The following KCNN2 variants were observed in gnomAD, a reference collection of about 807,000 sequenced individuals.
KCNN2 encodes potassium calcium-activated channel subfamily N member 2, also known as small conductance calcium-activated potassium channel protein 2.
A neutral mutation model predicts 55.5 loss-of-function variants in KCNN2; 24 were observed. The ratio of observed to expected loss-of-function variants is 0.43; its 90% CI spans 0.31 to 0.61. The LOEUF is 0.61. Ranked by LOEUF, KCNN2 falls within the 20% of genes least tolerant of loss-of-function variation. The pLI, the probability that KCNN2 is intolerant of heterozygous loss-of-function variation, is 0.08. For missense variants in KCNN2, 754 were observed against 853.6 expected (o/e 0.88, Z 1.45); for synonymous variants, 431 against 336.1 (o/e 1.28, Z -3.09).
At chr5:114,344,266 G>T (rs1757068468) in intron 2 of KCNN2, among the ~76,000 whole-genome samples, 1 of 152,122 alleles carries the variant, frequency 6.6e-6, no homozygotes, top group African/African-American at 2.4e-5. Context: ...CAAATATGAG[G>T]GGTTCCCAAA....
At chr5:114,166,947 G>T (rs2112538500) in intron 1 of KCNN2, among the ~76,000 whole-genome samples, 1 of 152,170 alleles carries the variant, frequency 6.6e-6, no homozygotes. Context: ...CCAGGAATTG[G>T]TCCCTCATCA....
At chr5:114,482,533 C>T (rs1762271364) in intron 5 of KCNN2, among the ~76,000 whole-genome samples, 1 of 152,126 alleles carries the variant, frequency 6.6e-6, no homozygotes, top group Non-Finnish European at 1.5e-5. Context: ...TGGGTACATA[C>T]CCAAAGGAAT....
chr5:114,165,844 G>A (rs1244131063), intron 1 of KCNN2, among the ~76,000 whole-genome samples: 3 of 152,034 alleles, frequency 2.0e-5, no homozygotes, highest in African/African-American at 7.2e-5. Flanking sequence ...GTTAAGTTTT[G>A]GAGAAGCCAA....
intron 1 of KCNN2, among the ~76,000 whole-genome samples, chr5:114,188,164 A>G (rs1753378164): frequency 6.6e-6 from 1 of 152,144 alleles, no homozygotes; most frequent in Non-Finnish European, 1.5e-5. Context: ...ACTTCATACC[A>G]TTTGAAATGT....
At chr5:114,371,222 A>G (rs1023642160) in intron 2 of KCNN2, among the ~76,000 whole-genome samples, 8 of 152,212 alleles carry the variant, frequency 5.3e-5, no homozygotes, top group Non-Finnish European at 2.9e-5. Context: ...TATATTTGAA[A>G]TTATGCTGAT....
chr5:114,086,450 T>C lies in KCNN2; in HGVS notation c.-271+29950T>C, dbSNP rs1580498768. Among the ~76,000 whole-genome samples, 4 of 151,326 alleles carry C rather than the reference T, an allele frequency of 2.6e-5. No homozygotes were observed. The Admixed American group carries it at 2.7e-4, about 10-fold the overall frequency. ...CTCACACGTTTCCTTGCCCATCTAG[T>C]AGTCCTCAGTGTCTGTTGTTGCCAT... On this transcript the variant is annotated intron_variant, in intron 1 of 10. Coordinates refer to the KCNN2 transcript ENST00000512097.
At chr5:114,164,089 C>G (rs1303488439) in intron 1 of KCNN2, among the ~76,000 whole-genome samples, 1 of 151,966 alleles carries the variant, frequency 6.6e-6, no homozygotes, top group African/African-American at 2.4e-5. Context: ...TGTGCTATGT[C>G]TTACAAGAAG....
intron 2 of KCNN2, among the ~76,000 whole-genome samples, chr5:114,350,112 A>T (rs1474260117): frequency 6.6e-6 from 1 of 151,810 alleles, no homozygotes; most frequent in African/African-American, 2.4e-5. Flanking sequence ...AAATTTTTTT[A>T]AATTATTTTT....
intron 3 of KCNN2, among the ~76,000 whole-genome samples, chr5:114,429,229 G>A (rs893060112): frequency 7.9e-5 from 12 of 152,006 alleles, no homozygotes; most frequent in Non-Finnish European, 2.9e-5. Context: ...GTCAGCATTT[G>A]TTTTTGCAAC....
intron 1 of KCNN2, among the ~76,000 whole-genome samples, chr5:114,106,506 C>T (rs977993067): frequency 6.6e-5 from 10 of 151,500 alleles, no homozygotes; most frequent in African/African-American, 2.2e-4. Flanking sequence ...TATAGTTGCT[C>T]CGCATTCTCA....
intron 1 of KCNN2, among the ~76,000 whole-genome samples, chr5:114,139,623 T>G (rs1403415486): frequency 6.6e-6 from 1 of 150,480 alleles, no homozygotes; most frequent in Non-Finnish European, 1.5e-5. Flanking sequence ...AAATATAGTT[T>G]TATAGAGGCT....
rs140592281 is a variant in KCNN2, at chr5:114,111,139, C to G, written c.-271+54639C>G. 4.6e-3 allele frequency among the ~76,000 whole-genome samples: 703 copies of G among 152,098 alleles called. 1 individual carries two copies. Among genetic ancestry groups the G allele is most frequent in the Non-Finnish European group, 7.3e-3 (493 of 67,960 alleles). ...ACTGTTACCAAAACAGATATATAGA[C>G]CAATGGAACAGAACAGAGGCCTCAG... On this transcript the variant is annotated intron_variant, in intron 1 of 10. Coordinates refer to the KCNN2 transcript ENST00000512097.
chr5:114,241,774 A>ATG (rs1561537133), intron 2 of KCNN2, among the ~76,000 whole-genome samples: 2 of 14,538 alleles, frequency 1.4e-4, no homozygotes, highest in Non-Finnish European at 2.6e-4. Flanking sequence ...GTATATATAT[A>ATG]CATATATACG....
intron 2 of KCNN2, among the ~76,000 whole-genome samples, chr5:114,281,865 GT>G (rs561260345): frequency 6.0e-5 from 9 of 151,210 alleles, no homozygotes; most frequent in African/African-American, 1.2e-4. Flanking sequence ...AATTTTCTGT[GT>G]TTTTTTTCTA....
chr5:114,310,452 A>T (rs1756373143), intron 2 of KCNN2, among the ~76,000 whole-genome samples: 2 of 152,248 alleles, frequency 1.3e-5, no homozygotes, highest in African/African-American at 2.4e-5. Context: ...AGGACCAGAT[A>T]AACTAAAAGT....
intron 1 of KCNN2, among the ~76,000 whole-genome samples, chr5:114,149,337 C>T (rs2112515334): frequency 6.6e-6 from 1 of 152,124 alleles, no homozygotes; most frequent in East Asian, 1.9e-4. Flanking sequence ...ACAAAGAAGG[C>T]CATATTGGGT....
chr5:114,406,206 C>A (rs1758928808), intron 3 of KCNN2, among the ~76,000 whole-genome samples: 1 of 151,194 alleles, frequency 6.6e-6, no homozygotes, highest in African/African-American at 2.4e-5. Context: ...TTGGTAACTG[C>A]TTTTTATAGT....
At chr5:114,156,941 T>A (rs1009168119) in intron 1 of KCNN2, among the ~76,000 whole-genome samples, 1 of 152,082 alleles carries the variant, frequency 6.6e-6, no homozygotes. Context: ...TCCAGGTTGT[T>A]TAGTTATGTA....
At chr5:114,276,646 T>C (rs549333838) in intron 2 of KCNN2, among the ~76,000 whole-genome samples, 2 of 133,326 alleles carry the variant, frequency 1.5e-5, no homozygotes, top group African/African-American at 5.5e-5. Flanking sequence ...AGACCAGTAT[T>C]GCAACCCCTG....
Sources: allele counts gnomAD v4.1 joint callset (sites outside exome capture counted in the v4.1 genomes callset), GRCh38; gene constraint gnomAD v4.1.1; transcripts MANE v1.5; gene names NCBI Gene and HGNC (gene_info 2026-07-23, HGNC 2026-07-21).